The following COL19A1 variants were observed in gnomAD, a reference collection of about 807,000 sequenced individuals.
COL19A1 encodes the protein collagen type XIX alpha 1 chain, also known as collagen alpha-1(XIX) chain.
COL19A1 carries 159 observed loss-of-function variants against 190.2 expected under a neutral mutation model. That is an observed-to-expected ratio of 0.84 (90% CI 0.73 to 0.95). COL19A1 has a LOEUF of 0.95. Among genes scored for constraint, COL19A1 ranks in the 40% least tolerant of loss-of-function variants. The pLI, the probability that COL19A1 is intolerant of heterozygous loss-of-function variation, is 0.00. For missense variants in COL19A1, 1,418 were observed against 1,431.9 expected (o/e 0.99, Z 0.16); for synonymous variants, 509 against 458.9 (o/e 1.11, Z -1.39).
chr6:69,918,674 C>A (rs1194542856), intron 4 of COL19A1, among the ~76,000 whole-genome samples: 6 of 152,108 alleles, frequency 3.9e-5, no homozygotes, highest in African/African-American at 1.2e-4. Flanking sequence ...CCTCTGCACT[C>A]CTGCCTGGGT....
intron 4 of COL19A1, among the ~76,000 whole-genome samples, chr6:69,925,627 T>A (rs928915751): frequency 6.6e-6 from 1 of 152,132 alleles, no homozygotes; most frequent in Non-Finnish European, 1.5e-5. Context: ...GTGAAGAAAG[T>A]CATTGGTAGC....
intron 16 of COL19A1, among the ~76,000 whole-genome samples, chr6:70,111,019 G>A (rs1784251835): frequency 6.6e-6 from 1 of 152,152 alleles, no homozygotes. Context: ...GATTTGAGAA[G>A]TCAAAGGCCA....
At chr6:70,052,354 A>G (rs1328021881) in intron 14 of COL19A1, among the ~76,000 whole-genome samples, 1 of 152,196 alleles carries the variant, frequency 6.6e-6, no homozygotes, top group African/African-American at 2.4e-5. Context: ...CTCACTCACA[A>G]GATAAATAGA....
chr6:69,881,714 A>T (rs1488185363), intron 2 of COL19A1, among the ~76,000 whole-genome samples: 2 of 152,262 alleles, frequency 1.3e-5, no homozygotes, highest in Non-Finnish European at 2.9e-5. Flanking sequence ...ATGAAGCATT[A>T]AGGGAAATTA....
chr6:70,117,707 C>T (rs1371751903), intron 16 of COL19A1, among the ~76,000 whole-genome samples: 1 of 152,156 alleles, frequency 6.6e-6, no homozygotes, highest in African/African-American at 2.4e-5. Context: ...CATATTTTAG[C>T]TGCTCTGTAA....
intron 9 of COL19A1, among the ~76,000 whole-genome samples, chr6:69,956,497 T>A (rs529146487): frequency 2.5e-4 from 38 of 151,982 alleles, no homozygotes; most frequent in African/African-American, 7.7e-4. Flanking sequence ...CTGAAAAAAA[T>A]TTAAAAATAT....
At chr6:70,087,744 A>T (rs1782670368) in intron 15 of COL19A1, among the ~76,000 whole-genome samples, 2 of 152,218 alleles carry the variant, frequency 1.3e-5, no homozygotes, top group Admixed American at 6.6e-5. Flanking sequence ...CCACACTGCC[A>T]GTTCTTACCA....
intron 48 of COL19A1, among the ~76,000 whole-genome samples, chr6:70,195,471 T>A (rs939884199): frequency 4.6e-5 from 7 of 152,148 alleles, no homozygotes; most frequent in Non-Finnish European, 1.0e-4. Flanking sequence ...GTGGAGACAT[T>A]CCATTTCCTG....
At chr6:69,910,116 C>A (rs1367676778) in intron 4 of COL19A1, among the ~76,000 whole-genome samples, 2 of 152,038 alleles carry the variant, frequency 1.3e-5, no homozygotes, top group East Asian at 1.9e-4. Context: ...CCAATAATTT[C>A]TTTTCACCAG....
intron 16 of COL19A1, among the ~76,000 whole-genome samples, chr6:70,115,713 G>A (rs1351923151): frequency 6.6e-6 from 1 of 151,840 alleles, no homozygotes; most frequent in African/African-American, 2.4e-5. Context: ...ATATTGAAAT[G>A]TAAGAATAAT....
intron 4 of COL19A1, among the ~76,000 whole-genome samples, chr6:69,901,541 T>G (rs998690518): frequency 2.6e-5 from 4 of 152,258 alleles, no homozygotes; most frequent in Non-Finnish European, 5.9e-5. Flanking sequence ...TGTAACTGTA[T>G]GGACCCACGC....
chr6:69,879,492 T>G, intron 1 of COL19A1, 44 bp from the exon 2 acceptor site: 1 of 1,096,694 alleles, frequency 9.1e-7, no homozygotes, highest in African/African-American at 1.6e-5. Context: ...TGAAAGGAGC[T>G]GCATACAATA....
At position 70,022,345 on chromosome 6, in the gene COL19A1, A is replaced by G. The variant is rs566946440; in HGVS notation, c.1027-1282A>G. On this transcript the variant is annotated intron_variant, in intron 11 of 50. Transcript: ENST00000620364. ...ATTGTACAGCTAATACGTATTTATCACTAGAAAAAAAATTTAAAAACAGGA... is the reference window on the plus strand; with the variant it reads ...ATTGTACAGCTAATACGTATTTATCGCTAGAAAAAAAATTTAAAAACAGGA... Among the ~76,000 whole-genome samples, 5 of 149,796 alleles carry G rather than the reference A, an allele frequency of 3.3e-5. No individual in the cohort carries two copies. In the East Asian group the frequency reaches 1.1e-3, roughly 31 times the overall value.
chr6:70,153,261 A>C (rs1023891355), intron 31 of COL19A1, among the ~76,000 whole-genome samples: 8 of 152,140 alleles, frequency 5.3e-5, no homozygotes, highest in Admixed American at 3.3e-4. Context: ...CTCTGCCTTG[A>C]GTCTTTAGAC....
intron 31 of COL19A1, among the ~76,000 whole-genome samples, chr6:70,153,318 G>A (rs1447848465): frequency 6.6e-6 from 1 of 152,026 alleles, no homozygotes; most frequent in East Asian, 1.9e-4. Flanking sequence ...TTTGATTAAA[G>A]TATTAAAAAG....
intron 18 of COL19A1, chr6:70,131,056 T>A (rs1046322105): frequency 2.2e-6 from 1 of 463,812 alleles, no homozygotes; most frequent in Admixed American, 2.4e-5. Flanking sequence ...TTTGCAGGTT[T>A]AATTATCATA....
chr6:70,148,218 C>T (rs1786799171), intron 27 of COL19A1, among the ~76,000 whole-genome samples: 1 of 151,894 alleles, frequency 6.6e-6, no homozygotes, highest in African/African-American at 2.4e-5. Context: ...GGCTGAAAGG[C>T]AAGCTTCTAA....
At chr6:70,184,847 T>A (rs1236563290) in intron 45 of COL19A1, 24 bp from the exon 46 acceptor site, 1 of 1,612,184 alleles carries the variant, frequency 6.2e-7, no homozygotes, top group Non-Finnish European at 8.5e-7. Context: ...AGGAGTGATT[T>A]TCATGTTGAC....
chr6:70,187,238 C>T (rs2150293545), intron 46 of COL19A1, among the ~76,000 whole-genome samples: 1 of 152,224 alleles, frequency 6.6e-6, no homozygotes, highest in South Asian at 2.1e-4. Context: ...GTGACATCCT[C>T]CCCCCAGTCA....
Sources: allele counts gnomAD v4.1 joint callset (sites outside exome capture counted in the v4.1 genomes callset), GRCh38; gene constraint gnomAD v4.1.1; transcripts MANE v1.5; gene names NCBI Gene and HGNC (gene_info 2026-07-23, HGNC 2026-07-21).